The following PTPRC variants were observed in gnomAD, a reference collection of about 807,000 sequenced individuals.
PTPRC encodes receptor-type tyrosine-protein phosphatase C.
Under a neutral mutation model 155.9 loss-of-function variants are expected in PTPRC, and 44 were observed. The ratio of observed to expected loss-of-function variants is 0.28; its 90% CI spans 0.22 to 0.36. The LOEUF (loss-of-function observed/expected upper bound fraction) is 0.36, where lower values mean the gene tolerates loss of function less well. Among genes scored for constraint, PTPRC ranks in the 10% least tolerant of loss-of-function variants. The pLI, the probability that PTPRC is intolerant of heterozygous loss-of-function variation, is 1.00. For missense variants in PTPRC, 1,401 were observed against 1,564.6 expected (o/e 0.90, Z 1.76); for synonymous variants, 525 against 533.1 (o/e 0.98, Z 0.21).
chr1:198,697,502 G>A (rs538766297), intron 4 of PTPRC, among the ~76,000 whole-genome samples: 23 of 152,080 alleles, frequency 1.5e-4, no homozygotes, highest in Non-Finnish European at 3.1e-4. Context: ...CCATGTTCCC[G>A]GGAAAAATCA....
rs566410564 is a variant in PTPRC, at chr1:198,744,200, C to A, written c.2844C>A (p.Phe948Leu). Reference protein sequence around the residue: ...PSEPSPLEAEFQRLPSYRSWR... With the variant: ...PSEPSPLEAELQRLPSYRSWR... The stretch of plus-strand genomic sequence containing the variant: ...AGCCGTCTCCACTAGAGGCTGAATT[C>A]CAGGTAATGATAGTGACAACAATAA... Residue 948 changes from phenylalanine to leucine, a missense_variant, in exon 26 of 33, where the codon TTC becomes TTA. This residue lies in a region of PTPRC where 134 missense variants were observed against 204.7 expected (regional missense o/e 0.65). Coordinates refer to ENST00000442510, the MANE Select transcript of PTPRC (RefSeq NM_002838.5). 1.2e-6 allele frequency: 2 copies of A among 1,601,696 alleles called. No homozygotes were observed. The highest frequency in any genetic ancestry group is 4.5e-5 in the East Asian group (2 of 44,372).
chr1:198,709,173 A>G (rs1274862753), intron 10 of PTPRC, among the ~76,000 whole-genome samples: 1 of 152,220 alleles, frequency 6.6e-6, no homozygotes, highest in Non-Finnish European at 1.5e-5. Flanking sequence ...AAAATCCAGA[A>G]TCCAAAATGT....
intron 2 of PTPRC, among the ~76,000 whole-genome samples, chr1:198,665,589 G>A (rs915465275): frequency 6.6e-6 from 1 of 152,094 alleles, no homozygotes; most frequent in Admixed American, 6.5e-5. Context: ...TGAGGTAACT[G>A]GGGTAACTAT....
At chr1:198,664,166 G>C (rs781382187) in intron 2 of PTPRC, among the ~76,000 whole-genome samples, 29 of 152,176 alleles carry the variant, frequency 1.9e-4, no homozygotes, top group Non-Finnish European at 3.2e-4. Context: ...ATTGAGGACA[G>C]TGTGGGTTTT....
At chr1:198,656,579 A>G (rs1031232695) in intron 2 of PTPRC, among the ~76,000 whole-genome samples, 2 of 152,032 alleles carry the variant, frequency 1.3e-5, no homozygotes, top group Non-Finnish European at 2.9e-5. Context: ...CTTGCCTGGC[A>G]ATCAGTGCCA....
chr1:198,675,653 G>A (rs1052813706), intron 2 of PTPRC, among the ~76,000 whole-genome samples: 3 of 152,086 alleles, frequency 2.0e-5, no homozygotes, highest in Non-Finnish European at 4.4e-5. Context: ...TACATGAGAC[G>A]TAAGACTATT....
At chr1:198,682,650 C>T (rs12127956) in intron 2 of PTPRC, among the ~76,000 whole-genome samples, 1,986 of 152,240 alleles carry the variant, frequency 0.013, 22 homozygotes, top group Non-Finnish European at 0.016. Context: ...TCAGCAAAGG[C>T]TTTTGTATGT....
At chr1:198,680,732 A>G (rs1665273229) in intron 2 of PTPRC, among the ~76,000 whole-genome samples, 1 of 152,142 alleles carries the variant, frequency 6.6e-6, no homozygotes, top group African/African-American at 2.4e-5. Context: ...GGACCAGGGT[A>G]AAGGCAATGG....
intron 9 of PTPRC, among the ~76,000 whole-genome samples, 168 bp downstream of exon 9, chr1:198,707,120 A>G (rs555453447): frequency 1.3e-4 from 20 of 152,300 alleles, no homozygotes; most frequent in African/African-American, 4.3e-4. Context: ...CCAAGTAAAA[A>G]TGATAGAGTC....
chr1:198,655,867 A>G (rs1332985684), intron 2 of PTPRC, among the ~76,000 whole-genome samples: 1 of 152,070 alleles, frequency 6.6e-6, no homozygotes, highest in Non-Finnish European at 1.5e-5. Context: ...ACCTTAACTG[A>G]AAACTACAAA....
At chr1:198,743,808 A>T (rs1270622396) in intron 25 of PTPRC, among the ~76,000 whole-genome samples, 1 of 151,904 alleles carries the variant, frequency 6.6e-6, no homozygotes, top group Non-Finnish European at 1.5e-5. Flanking sequence ...AATACAGAGT[A>T]CATGGATAAT....
Position 198,732,324 on chromosome 1 carries a change from T to C in PTPRC, c.1999T>C (p.Phe667Leu). The C allele has an allele frequency of 6.2e-7, 1 of 1,612,544 alleles. No homozygotes were observed. Among genetic ancestry groups the C allele is most frequent in the South Asian group, 1.1e-5 (1 of 91,052 alleles). ...GAGCATCCCGCGGGTGTTCAGCAAGTTTCCTATAAAGGAAGCTCGAAAGCC... is the reference window on the plus strand; with the variant it reads ...GAGCATCCCGCGGGTGTTCAGCAAGCTTCCTATAAAGGAAGCTCGAAAGCC... Reference protein sequence around the residue: ...FQSIPRVFSKFPIKEARKPFN... With the variant: ...FQSIPRVFSKLPIKEARKPFN... Residue 667 changes from phenylalanine (F) to leucine (L), a missense_variant, in exon 19 of 33, where the codon TTT becomes CTT. By Grantham distance (22) the Phe-to-Leu change is conservative. Around this residue, in one of 3 missense-constraint regions of PTPRC, gnomAD observed 867 missense variants for 970.4 expected, o/e 0.89. Transcript: ENST00000442510.
intron 23 of PTPRC, 31 bp downstream of exon 23, chr1:198,735,283 T>A (rs1389250447): frequency 6.6e-7 from 1 of 1,525,340 alleles, no homozygotes; most frequent in Admixed American, 1.7e-5. Context: ...ATTTTTGTTT[T>A]GATACTTTTT....
chr1:198,674,775 T>C (rs149615904), intron 2 of PTPRC, among the ~76,000 whole-genome samples: 1 of 152,066 alleles, frequency 6.6e-6, no homozygotes, highest in South Asian at 2.1e-4. Context: ...TACAGAAAAG[T>C]TGCAAAGATA....
chr1:198,728,581 T>C, intron 16 of PTPRC, 133 bp downstream of exon 16: 1 of 1,024,808 alleles, frequency 9.8e-7, no homozygotes. Flanking sequence ...GCCCACTTCA[T>C]GACACAACTT....
At chr1:198,690,270 TA>T (rs1181213341) in intron 2 of PTPRC, among the ~76,000 whole-genome samples, 1 of 152,162 alleles carries the variant, frequency 6.6e-6, no homozygotes, top group Non-Finnish European at 1.5e-5. Flanking sequence ...GCTATACTAA[TA>T]TTTTTTTCTT....
rs201052150 is a variant in PTPRC, at chr1:198,703,304, A to G, written c.590A>G (p.Tyr197Cys). 1 of 1,613,190 alleles carries G rather than the reference A, an allele frequency of 6.2e-7. No individual in the cohort carries two copies. Among genetic ancestry groups the G allele is most frequent in the Non-Finnish European group, 8.5e-7 (1 of 1,180,028 alleles). ...TCTATTCATTTTCTTGCAGATGCCTACCTTAATGCCTCTGAAACAACCACT... is the reference window on the plus strand; with the variant it reads ...TCTATTCATTTTCTTGCAGATGCCTGCCTTAATGCCTCTGAAACAACCACT... ...TTITANTSDA[Y>C]LNASETTTLS... The change falls in exon 7 of 33, where the codon TAC becomes TGC. Residue 197 changes from tyrosine (Y) to cysteine (C), a missense_variant. Tyr to Cys is a radical substitution (Grantham distance 194). Around this residue, in one of 3 missense-constraint regions of PTPRC, gnomAD observed 867 missense variants for 970.4 expected, o/e 0.89. Coordinates refer to ENST00000442510, the MANE Select transcript of PTPRC (RefSeq NM_002838.5).
At chr1:198,709,974 T>A in intron 11 of PTPRC, 150 bp downstream of exon 11, 1 of 1,108,368 alleles carries the variant, frequency 9.0e-7, no homozygotes, top group Non-Finnish European at 1.3e-6. Flanking sequence ...GCAATTTATC[T>A]ATTTTTACTT....
intron 2 of PTPRC, among the ~76,000 whole-genome samples, chr1:198,671,426 T>A (rs1664639734): frequency 6.6e-6 from 1 of 152,250 alleles, no homozygotes. Flanking sequence ...CTCAGCCATC[T>A]GGCTCCTCTT....
Sources: gnomAD v4.1 joint callset for allele counts (sites outside exome capture counted in the v4.1 genomes callset) on GRCh38, gnomAD v4.1.1 for gene constraint, gnomAD v4.1.1 regional missense constraint, MANE v1.5 for transcripts, NCBI Gene and HGNC (gene_info 2026-07-23, HGNC 2026-07-21) for gene names.